PDHA1: variants seen among roughly 807,000 people sequenced by gnomAD.
The protein encoded by PDHA1 is pyruvate dehydrogenase E1 subunit alpha 1.
A neutral mutation model predicts 33.0 loss-of-function variants in PDHA1; 1 was observed. The observed-to-expected ratio is 0.03, with a 90% CI of 0.01 to 0.14. The LOEUF is 0.14. PDHA1 is among the 10% of genes least tolerant of loss of function. PDHA1 has a pLI of 1.00. For missense variants in PDHA1, 168 were observed against 325.1 expected (o/e 0.52, Z 3.72); for synonymous variants, 123 against 119.2 (o/e 1.03, Z -0.21).
In PDHA1 at chrX:19,361,178, G is replaced by C; in HGVS notation, c.*1525G>C. The C allele has an allele frequency of 2.2e-6, 1 of 449,287 alleles. No individual in the cohort carries two copies. Among genetic ancestry groups the C allele is most frequent in the Non-Finnish European group, 3.8e-6 (1 of 262,111 alleles). The allele number at this position is 449,287 out of a possible 1,213,427, so 37.0% of individuals were successfully genotyped here. ...TGTCACATTCCTATTTCTGACTTCTGCCTGGCTTTCAGTTTCTGCCCCACC... is the reference window on the plus strand; with the variant it reads ...TGTCACATTCCTATTTCTGACTTCTCCCTGGCTTTCAGTTTCTGCCCCACC... On this transcript the variant is annotated 3_prime_UTR_variant, in exon 11 of 11. Coordinates refer to ENST00000422285, the MANE Select transcript of PDHA1 (RefSeq NM_000284.4).
rs76809608 is a variant in PDHA1, at chrX:19,344,029, C to T, written c.-9C>T. ...GAGGAGTCGCCGCTGCCGCCACTGC[C>T]TGTGCTTCATGAGGAAGATGCTCGC... On this transcript the variant is annotated 5_prime_UTR_variant, in exon 1 of 11. Coordinates refer to ENST00000422285, the MANE Select transcript of PDHA1 (RefSeq NM_000284.4). The T allele has an allele frequency of 8.3e-7, 1 of 1,208,169 alleles. No individual in the cohort carries two copies.
In PDHA1 at chrX:19,360,069, A is replaced by C. The variant is rs1234324156; in HGVS notation, c.*416A>C. The C allele has an allele frequency of 1.1e-5, 2 of 187,604 alleles. No individual in the cohort carries two copies. The highest frequency in any genetic ancestry group is 2.9e-4 in the East Asian group (2 of 6,790). 15.5% of individuals were successfully genotyped at this position (187,604 alleles called of 1,213,427 possible). ...CGCTGACCATTTCTCTACAAGATACAATATTTATTATCAGGCAAGAGGACA... is the reference window on the plus strand; with the variant it reads ...CGCTGACCATTTCTCTACAAGATACCATATTTATTATCAGGCAAGAGGACA... On this transcript the variant is annotated 3_prime_UTR_variant, in exon 11 of 11. Coordinates refer to ENST00000422285, the MANE Select transcript of PDHA1 (RefSeq NM_000284.4).
chrX:19,352,711 G>C (rs1960934740), intron 4 of PDHA1: 2 of 232,843 alleles, frequency 8.6e-6, no homozygotes, highest in African/African-American at 5.6e-5. Flanking sequence ...AAAAAAATCT[G>C]TGTATAAGTG....
Position 19,357,634 on chromosome X carries a change from C to G in PDHA1, c.832-18C>G, listed in dbSNP as rs774347124. 1 of 1,196,345 alleles carries G rather than the reference C, an allele frequency of 8.4e-7. No homozygotes were observed. Among genetic ancestry groups the G allele is most frequent in the African/African-American group, 1.7e-5 (1 of 57,408 alleles). On this transcript the variant is annotated intron_variant, in intron 8 of 10. Coordinates refer to ENST00000422285, the MANE Select transcript of PDHA1 (RefSeq NM_000284.4). ...TCATCGTTCCTAACTAACTAACTGC[C>G]TACCGGTTCTGTTTTAGGGGCCCAT...
chrX:19,353,027 G>C, intron 4 of PDHA1, 55 bp from the exon 5 acceptor site: 1 of 1,015,617 alleles, frequency 9.8e-7, no homozygotes, highest in Non-Finnish European at 1.4e-6. Context: ...GTGCGGTTTG[G>C]TTTGCTTTGT....
At chrX:19,346,494 AT>A (rs754393427) in intron 1 of PDHA1, 643 of 410,344 alleles carry the variant, frequency 1.6e-3, no homozygotes, top group South Asian at 2.7e-3. Flanking sequence ...AATTAAAAAA[AT>A]TTTTTTTTTA....
intron 7 of PDHA1, 71 bp downstream of exon 7, chrX:19,355,575 G>A (rs1054646844): frequency 1.5e-5 from 18 of 1,165,339 alleles, no homozygotes; most frequent in Non-Finnish European, 1.9e-5. Flanking sequence ...GACCCTTGAC[G>A]ATCTTAGAAA....
Position 19,361,077 on chromosome X carries a change from G to A in PDHA1, c.*1424G>A, listed in dbSNP as rs760525544. On this transcript the variant is annotated 3_prime_UTR_variant, in exon 11 of 11. Transcript: ENST00000422285. ...GTTTAAAGAAGGGGGTGGGTCCAGC[G>A]TGCAGGCACGCTTGCCATGTGCCTC... The A allele has an allele frequency of 3.6e-5, 15 of 419,373 alleles. No homozygotes were observed. Among genetic ancestry groups the A allele is most frequent in the Middle Eastern group, 6.4e-4 (1 of 1,558 alleles). The allele number at this position is 419,373 out of a possible 1,213,427, so 34.6% of individuals were successfully genotyped here.
At position 19,351,384 on chromosome X, in the gene PDHA1, G is replaced by A. The variant is rs1460386114; in HGVS notation, c.395G>A (p.Arg132Gln). 10 of 1,210,509 alleles carry A rather than the reference G, an allele frequency of 8.3e-6. No homozygotes were observed. The highest frequency in any genetic ancestry group is 1.7e-5 in the African/African-American group (1 of 57,841). ...GFTFTRGLSV[R>Q]EILAELTGRK... Reference sequence around the variant, plus strand: ...ACTTTCACCCGGGGCCTTTCCGTCCGAGAAATTCTCGCAGAGCTTACAGGT... The same window carrying A: ...ACTTTCACCCGGGGCCTTTCCGTCCAAGAAATTCTCGCAGAGCTTACAGGT... Residue 132 changes from arginine to glutamine, a missense_variant, in exon 4 of 11, where the codon CGA becomes CAA. By Grantham distance (43) the Arg-to-Gln change is conservative (BLOSUM62 1). This residue lies in a region of PDHA1 where 35 missense variants were observed against 148.5 expected (regional missense o/e 0.24). Coordinates refer to ENST00000422285, the MANE Select transcript of PDHA1 (RefSeq NM_000284.4).
chrX:19,344,020 C>G lies in PDHA1; in HGVS notation c.-18C>G. On this transcript the variant is annotated 5_prime_UTR_variant, in exon 1 of 11. Transcript: ENST00000422285. ...CTGGGTTGTGAGGAGTCGCCGCTGCCGCCACTGCCTGTGCTTCATGAGGAA... is the reference window on the plus strand; with the variant it reads ...CTGGGTTGTGAGGAGTCGCCGCTGCGGCCACTGCCTGTGCTTCATGAGGAA... 8.3e-7 allele frequency: 1 copy of G among 1,206,384 alleles called. No individual in the cohort carries two copies. The highest frequency in any genetic ancestry group is 1.1e-6 in the Non-Finnish European group (1 of 892,692).
intron 4 of PDHA1, 56 bp downstream of exon 4, chrX:19,351,463 G>A: frequency 2.0e-6 from 2 of 1,019,546 alleles, no homozygotes; most frequent in South Asian, 4.0e-5. Flanking sequence ...TTAAATATCT[G>A]TCATTAAGAT....
rs144967854 is a variant in PDHA1, at chrX:19,349,953, G to A, written c.134G>A (p.Arg45Gln). 33 of 1,207,131 alleles carry A rather than the reference G, an allele frequency of 2.7e-5. No homozygotes were observed. The highest frequency in any genetic ancestry group is 1.7e-4 in the African/African-American group (10 of 57,278). Residue 45 changes from arginine (R) to glutamine (Q), a missense_variant, in exon 3 of 11, where the codon CGG (arginine) becomes CAG (glutamine). Coordinates refer to ENST00000422285, the MANE Select transcript of PDHA1 (RefSeq NM_000284.4). Reference sequence around the variant, plus strand: ...CCATTTCAGAAATGTGACCTTCACCGGCTGGAAGAAGGCCCTCCTGTCACA... The same window carrying A: ...CCATTTCAGAAATGTGACCTTCACCAGCTGGAAGAAGGCCCTCCTGTCACA... ...TFEIKKCDLH[R>Q]LEEGPPVTTV...
At chrX:19,346,941 GTATT>G (rs748654054) in intron 1 of PDHA1, among the ~76,000 whole-genome samples, 5 of 111,202 alleles carry the variant, frequency 4.5e-5, no homozygotes, top group Non-Finnish European at 7.6e-5. Context: ...TGGTTCCTAT[GTATT>G]TAGGAAGTTA....
intron 5 of PDHA1, among the ~76,000 whole-genome samples, chrX:19,353,890 GTTTC>G (rs1175408623): frequency 9.0e-6 from 1 of 111,240 alleles, no homozygotes; most frequent in Non-Finnish European, 1.9e-5. Context: ...TATCCGGACT[GTTTC>G]TTTTCCTTTC....
intron 1 of PDHA1, chrX:19,345,903 C>A: frequency 6.3e-6 from 1 of 157,650 alleles, no homozygotes. Context: ...TAATTAGGAA[C>A]CATTCCTGAA....
In PDHA1 at chrX:19,357,714, A is replaced by G. The variant is rs1329322647; in HGVS notation, c.894A>G (p.Gly298=). 39 of 1,200,256 alleles carry G rather than the reference A, an allele frequency of 3.2e-5. 2 individuals carry two copies. The Admixed American group carries it at 8.5e-4, about 26-fold the overall frequency. Residue 298 remains glycine (G), a synonymous_variant, in exon 9 of 11, where the codon GGA becomes GGG. Coordinates refer to ENST00000422285, the MANE Select transcript of PDHA1 (RefSeq NM_000284.4). ...RYHGHSMSDP[G]VSYRTREEIQ... Reference sequence around the variant, plus strand: ...ACGGACACAGTATGAGTGACCCTGGAGTCAGGTACGCTCATGGGCAGTGTG... The same window carrying G: ...ACGGACACAGTATGAGTGACCCTGGGGTCAGGTACGCTCATGGGCAGTGTG...
chrX:19,346,463 G>A, intron 1 of PDHA1: 2 of 399,350 alleles, frequency 5.0e-6, no homozygotes, highest in Non-Finnish European at 8.9e-6. Flanking sequence ...ACACAGGCAT[G>A]TGCCACCACC....
Position 19,359,806 on chromosome X carries a change from G to T in PDHA1, c.*153G>T, listed in dbSNP as rs2063255066. ...ATTGAGCAGGTAGTAATTGCATGCA[G>T]TTTGTACATTAGTGCATTAAAAGAT... On this transcript the variant is annotated 3_prime_UTR_variant, in exon 11 of 11. Coordinates refer to ENST00000422285, the MANE Select transcript of PDHA1 (RefSeq NM_000284.4). 7.9e-6 allele frequency: 4 copies of T among 506,555 alleles called. No individual in the cohort carries two copies. The East Asian group carries it at 1.5e-4, about 19-fold the overall frequency. The allele number at this position is 506,555 out of a possible 1,213,427, so 41.7% of individuals were successfully genotyped here. A position where few individuals can be genotyped will look rare whatever the true frequency, so the allele number is the denominator to read the frequency against.
At chrX:19,354,853 C>A (rs1387107528) in intron 6 of PDHA1, among the ~76,000 whole-genome samples, 1 of 112,677 alleles carries the variant, frequency 8.9e-6, no homozygotes, top group Non-Finnish European at 1.9e-5. Context: ...GACCTCCCCA[C>A]AACCTATTGC....
Sources: gnomAD v4.1 joint callset for allele counts (sites outside exome capture counted in the v4.1 genomes callset) on GRCh38, gnomAD v4.1.1 for gene constraint, gnomAD v4.1.1 regional missense constraint, MANE v1.5 for transcripts, NCBI Gene and HGNC (gene_info 2026-07-23, HGNC 2026-07-21) for gene names.